VWC2L: variants seen among roughly 807,000 people sequenced by gnomAD.
The protein encoded by VWC2L is von Willebrand factor C domain-containing protein 2-like.
VWC2L carries 10 observed loss-of-function variants against 21.6 expected under a neutral mutation model. That is an observed-to-expected ratio of 0.46 (90% CI 0.29 to 0.78). The LOEUF (loss-of-function observed/expected upper bound fraction) is 0.78, where lower values mean the gene tolerates loss of function less well. Ranked by LOEUF, VWC2L falls within the 30% of genes least tolerant of loss-of-function variation. The probability of loss-of-function intolerance (pLI) is 0.10; values close to 1 mark genes in which losing one functional copy is unlikely to be tolerated. For synonymous variants in VWC2L, 96 were observed against 94.3 expected, an observed-to-expected ratio of 1.02 and a Z score of -0.10; for missense variants, 209 against 277.1, an observed-to-expected ratio of 0.75 and a Z score of 1.74.
intron 3 of VWC2L, among the ~76,000 whole-genome samples, chr2:214,491,816 G>GA (rs369755228): frequency 2.0e-4 from 30 of 149,796 alleles, no homozygotes; most frequent in East Asian, 3.9e-4. Context: ...GTGTAAAATA[G>GA]AAAAAAAAAA....
At chr2:214,502,444 C>A (rs1308391129) in intron 3 of VWC2L, among the ~76,000 whole-genome samples, 1 of 152,156 alleles carries the variant, frequency 6.6e-6, no homozygotes, top group Non-Finnish European at 1.5e-5. Flanking sequence ...GTGGCACACA[C>A]CTGTAGCCCC....
intron 3 of VWC2L, among the ~76,000 whole-genome samples, chr2:214,492,497 A>G (rs1341559395): frequency 4.6e-5 from 7 of 152,220 alleles, no homozygotes; most frequent in Admixed American, 4.6e-4. Flanking sequence ...ACATAGACCA[A>G]TGTACCTGTG....
At chr2:214,456,794 T>G (rs138396101) in intron 3 of VWC2L, among the ~76,000 whole-genome samples, 1 of 152,098 alleles carries the variant, frequency 6.6e-6, no homozygotes, top group African/African-American at 2.4e-5. Context: ...CTTATGAACA[T>G]CTACTTTTCC....
chr2:214,564,694 A>C (rs1179016106), intron 3 of VWC2L, among the ~76,000 whole-genome samples: 1 of 152,232 alleles, frequency 6.6e-6, no homozygotes, highest in Non-Finnish European at 1.5e-5. Flanking sequence ...TTTTAATAAT[A>C]GATTGTAAGG....
chr2:214,460,238 G>A (rs1205792968), intron 3 of VWC2L, among the ~76,000 whole-genome samples: 2 of 152,022 alleles, frequency 1.3e-5, no homozygotes, highest in Admixed American at 6.6e-5. Context: ...AGCAAGCCTT[G>A]GAAATCTTTT....
At chr2:214,539,275 C>A (rs1003696553) in intron 3 of VWC2L, among the ~76,000 whole-genome samples, 2 of 152,090 alleles carry the variant, frequency 1.3e-5, no homozygotes, top group African/African-American at 4.8e-5. Flanking sequence ...GATTTATTCC[C>A]TAAAAATGTT....
chr2:214,528,618 G>C (rs76777955), intron 3 of VWC2L, among the ~76,000 whole-genome samples: 2,558 of 151,588 alleles, frequency 0.017, 74 homozygotes, highest in African/African-American at 0.058. Flanking sequence ...CTGCTTCACA[G>C]AGGGAACCCA....
At chr2:214,465,758 C>T (rs1334806681) in intron 3 of VWC2L, among the ~76,000 whole-genome samples, 1 of 152,160 alleles carries the variant, frequency 6.6e-6, no homozygotes, top group African/African-American at 2.4e-5. Context: ...AGCACTTTAG[C>T]GTGTGGTGGT....
At chr2:214,438,954 CCAAA>C (rs1161761888) in intron 3 of VWC2L, among the ~76,000 whole-genome samples, 1 of 151,938 alleles carries the variant, frequency 6.6e-6, no homozygotes, top group Non-Finnish European at 1.5e-5. Context: ...CTTGGTACTT[CCAAA>C]CAAATTTTCT....
intron 1 of VWC2L, among the ~76,000 whole-genome samples, chr2:214,413,234 T>C (rs1193840091): frequency 6.6e-6 from 1 of 152,072 alleles, no homozygotes; most frequent in African/African-American, 2.4e-5. Flanking sequence ...CAAGATCTCA[T>C]AAATTGTATT....
intron 3 of VWC2L, among the ~76,000 whole-genome samples, chr2:214,568,645 C>T (rs1403517566): frequency 4.6e-5 from 7 of 152,130 alleles, no homozygotes; most frequent in Admixed American, 3.9e-4. Context: ...TATTCACTAT[C>T]ACAAGAACAG....
intron 3 of VWC2L, among the ~76,000 whole-genome samples, chr2:214,467,496 A>G (rs1258692569): frequency 6.6e-6 from 1 of 152,176 alleles, no homozygotes; most frequent in Non-Finnish European, 1.5e-5. Flanking sequence ...ATAGGGCTCC[A>G]TTTATTAGTT....
intron 2 of VWC2L, among the ~76,000 whole-genome samples, chr2:214,426,925 A>G (rs1037500586): frequency 1.3e-5 from 2 of 152,098 alleles, no homozygotes; most frequent in African/African-American, 4.8e-5. Context: ...ATAGGGCTTG[A>G]CTGGTTTCAT....
chr2:214,520,092 T>TACACACAC (rs1160627341), intron 3 of VWC2L, among the ~76,000 whole-genome samples: 11 of 55,930 alleles, frequency 2.0e-4, no homozygotes, highest in Non-Finnish European at 3.4e-4. Context: ...CACACACACT[T>TACACACAC]ATGTAGATGT....
rs141119682 is a variant in VWC2L, at chr2:214,486,227, T to C, written c.520+49469T>C. Among the ~76,000 whole-genome samples, 1,257 of 152,296 alleles carry C rather than the reference T, an allele frequency of 8.3e-3. 11 individuals carry two copies. The highest frequency in any genetic ancestry group is 0.024 in the Middle Eastern group (7 of 294). ...TTTTTACAGGGAAGTCTCTGAGCCA[T>C]AGAAAAGTTAAGTGGCTTAGTTTAA... On this transcript the variant is annotated intron_variant, in intron 3 of 3. Coordinates refer to ENST00000312504, the MANE Select transcript of VWC2L (RefSeq NM_001080500.4).
chr2:214,511,915 C>CAT (rs1341447669), intron 3 of VWC2L, among the ~76,000 whole-genome samples: 10 of 14,876 alleles, frequency 6.7e-4, no homozygotes, highest in East Asian at 0.043. Flanking sequence ...TTTATATATA[C>CAT]ATATACACAC....
At chr2:214,549,675 A>G (rs1689762425) in intron 3 of VWC2L, among the ~76,000 whole-genome samples, 1 of 152,220 alleles carries the variant, frequency 6.6e-6, no homozygotes, top group Non-Finnish European at 1.5e-5. Flanking sequence ...CAGAAGGCTG[A>G]GGCAGGAGAA....
intron 3 of VWC2L, among the ~76,000 whole-genome samples, chr2:214,561,962 TA>T (rs2105929892): frequency 6.6e-6 from 1 of 152,056 alleles, no homozygotes; most frequent in Admixed American, 6.5e-5. Flanking sequence ...CAAAGCACAC[TA>T]AGTCTTTGAA....
intron 3 of VWC2L, among the ~76,000 whole-genome samples, chr2:214,441,994 C>T (rs1248796873): frequency 6.6e-5 from 10 of 151,678 alleles, no homozygotes; most frequent in Non-Finnish European, 8.8e-5. Flanking sequence ...TCACTGCAAC[C>T]TCCGCATCCT....
Sources: gnomAD v4.1 joint callset for allele counts (sites outside exome capture counted in the v4.1 genomes callset) on GRCh38, gnomAD v4.1.1 for gene constraint, MANE v1.5 for transcripts, NCBI Gene and HGNC (gene_info 2026-07-23, HGNC 2026-07-21) for gene names.